Variants in CCDC57 observed in about 807,000 individuals in gnomAD.
The protein encoded by CCDC57 is coiled-coil domain-containing protein 57.
In CCDC57, 118 loss-of-function variants were observed where a neutral mutation model predicts 118.9. That is an observed-to-expected ratio of 0.99 (90% confidence interval 0.86 to 1.16). The LOEUF (loss-of-function observed/expected upper bound fraction) is 1.16, where lower values mean the gene tolerates loss of function less well. CCDC57 is among the 50% of genes most tolerant of loss of function. The pLI is 0.00. For synonymous variants in CCDC57, 527 were observed against 532.9 expected (o/e 0.99, Z 0.15); for missense variants, 1,300 against 1,320.7 (o/e 0.98, Z 0.24).
intron 2 of CCDC57, among the ~76,000 whole-genome samples, chr17:82,206,966 C>CAA (rs758598571): frequency 1.3e-5 from 2 of 152,196 alleles, no homozygotes; most frequent in Non-Finnish European, 2.9e-5. Flanking sequence ...AAGACAGTAA[C>CAA]AGCCCTTTCC....
At chr17:82,145,429 A>C (rs1317179301) in intron 16 of CCDC57, among the ~76,000 whole-genome samples, 4 of 151,606 alleles carry the variant, frequency 2.6e-5, no homozygotes, top group Non-Finnish European at 5.9e-5. Context: ...CGCCTGTAAT[A>C]CCAGCTACTT....
intron 7 of CCDC57, among the ~76,000 whole-genome samples, chr17:82,190,431 C>A (rs978638246): frequency 1.3e-5 from 2 of 152,066 alleles, no homozygotes; most frequent in African/African-American, 4.8e-5. Flanking sequence ...GTGTGGTGCT[C>A]ACCCCTGTAA....
intron 11 of CCDC57, chr17:82,175,526 C>A (rs910376310): frequency 6.6e-6 from 1 of 152,232 alleles, no homozygotes; most frequent in African/African-American, 2.4e-5. Context: ...AGAGGCTCAT[C>A]AGAAATTCAA....
intron 13 of CCDC57, among the ~76,000 whole-genome samples, chr17:82,166,778 G>A (rs2044037193): frequency 6.6e-6 from 1 of 151,668 alleles, no homozygotes; most frequent in African/African-American, 2.4e-5. Flanking sequence ...GTGTGGTGGT[G>A]CACACCTGTA....
At chr17:82,158,627 G>A (rs988413969) in intron 14 of CCDC57, among the ~76,000 whole-genome samples, 1 of 148,370 alleles carries the variant, frequency 6.7e-6, no homozygotes, top group Admixed American at 6.8e-5. Flanking sequence ...GGTGGAGCTT[G>A]CAGTGAGCCA....
At chr17:82,113,490 TGCAAG>T in intron 19 of CCDC57, 2 of 717,582 alleles carry the variant, frequency 2.8e-6, no homozygotes, top group Non-Finnish European at 2.6e-6. Flanking sequence ...CTGATCCCAC[TGCAAG>T]GCTGCTGTGA....
chr17:82,141,512 A>T (rs2040010208), intron 16 of CCDC57, among the ~76,000 whole-genome samples: 2 of 152,188 alleles, frequency 1.3e-5, no homozygotes, highest in South Asian at 4.1e-4. Context: ...AGAGGCTTTT[A>T]AAAGTCAATC....
At chr17:82,193,469 C>T (rs1265911312) in intron 7 of CCDC57, among the ~76,000 whole-genome samples, 2 of 151,924 alleles carry the variant, frequency 1.3e-5, no homozygotes, top group African/African-American at 4.8e-5. Flanking sequence ...ATTGTTTGAA[C>T]CCGGGAGGGG....
At chr17:82,195,488 C>A in intron 4 of CCDC57, 124 bp from the exon 4 acceptor site, 1 of 756,700 alleles carries the variant, frequency 1.3e-6, no homozygotes, top group Non-Finnish European at 2.3e-6. Flanking sequence ...GGACCACACA[C>A]ACTGTCCAGG....
intron 4 of CCDC57, among the ~76,000 whole-genome samples, chr17:82,196,787 C>T (rs771342038): frequency 2.0e-5 from 3 of 150,930 alleles, no homozygotes; most frequent in Admixed American, 6.6e-5. Flanking sequence ...CAGAAGAAGC[C>T]CCTCAGGACA....
intron 19 of CCDC57, among the ~76,000 whole-genome samples, chr17:82,103,758 C>G (rs991727165): frequency 2.0e-5 from 3 of 152,144 alleles, no homozygotes; most frequent in Non-Finnish European, 4.4e-5. Flanking sequence ...CTGAGCTGGC[C>G]CTGCTGGGAG....
At chr17:82,129,329 A>G (rs1282519934) in intron 17 of CCDC57, among the ~76,000 whole-genome samples, 1 of 152,110 alleles carries the variant, frequency 6.6e-6, no homozygotes. Context: ...GGCACTAGGG[A>G]GCAAACCCTA....
rs142630480 is a variant in CCDC57 at position 82,125,559 on chromosome 17, AGAGACGGG to A, written c.2899+2125_2899+2132del. Among the ~76,000 whole-genome samples, 810 of 152,166 alleles carry A rather than the reference AGAGACGGG, an allele frequency of 5.3e-3. 6 individuals carry two copies. Among genetic ancestry groups the A allele is most frequent in the African/African-American group, 0.018 (766 of 41,512 alleles). On this transcript the variant is annotated intron_variant, in intron 19 of 19. Transcript: ENST00000665763. ...CCCAGTGAATTTTTGTATTTTTAGTAGAGACGGGGTTTCACCATGTTGGCCAGGCTGGT... is the reference window on the plus strand; with the variant it reads ...CCCAGTGAATTTTTGTATTTTTAGTAGTTTCACCATGTTGGCCAGGCTGGT...
chr17:82,185,187 C>T (rs958071485), intron 8 of CCDC57: 1 of 152,432 alleles, frequency 6.6e-6, no homozygotes, highest in Non-Finnish European at 1.5e-5. Flanking sequence ...GCACTGCTCA[C>T]CACAAGAGCG....
chr17:82,146,036 G>A (rs532287453), intron 16 of CCDC57, among the ~76,000 whole-genome samples: 1 of 152,368 alleles, frequency 6.6e-6, no homozygotes, highest in East Asian at 1.9e-4. Flanking sequence ...CCTGCGGGAT[G>A]CGGCCCCTTC....
intron 4 of CCDC57, among the ~76,000 whole-genome samples, chr17:82,196,229 G>C (rs180690559): frequency 1.3e-5 from 2 of 152,216 alleles, no homozygotes; most frequent in African/African-American, 4.8e-5. Flanking sequence ...AGTGACTTTG[G>C]AGCCACTTGA....
intron 8 of CCDC57, 56 bp from the exon 8 acceptor site, chr17:82,183,988 T>G: frequency 2.7e-6 from 4 of 1,467,800 alleles, no homozygotes; most frequent in Admixed American, 1.8e-5. Context: ...AAGTTGTCTC[T>G]TACACAGCAC....
At chr17:82,175,383 T>C (rs534013255) in intron 11 of CCDC57, among the ~76,000 whole-genome samples, 28 of 152,326 alleles carry the variant, frequency 1.8e-4, no homozygotes, top group African/African-American at 6.3e-4. Context: ...GGCTCGGCAG[T>C]GTGAAAGGAA....
chr17:82,164,992 A>C (rs2043802631), intron 13 of CCDC57, among the ~76,000 whole-genome samples: 1 of 152,202 alleles, frequency 6.6e-6, no homozygotes, highest in African/African-American at 2.4e-5. Context: ...GGCCAGTCTT[A>C]CTCATGAACA....
Sources: allele counts gnomAD v4.1 joint callset (sites outside exome capture counted in the v4.1 genomes callset), GRCh38; gene constraint gnomAD v4.1.1; transcripts MANE v1.5; gene names NCBI Gene and HGNC (gene_info 2026-07-23, HGNC 2026-07-21).